ALKBH1: variants seen among roughly 807,000 people sequenced by gnomAD.
The protein encoded by ALKBH1 is nucleic acid dioxygenase ALKBH1.
In ALKBH1, 31 loss-of-function variants were observed where a neutral mutation model predicts 36.6. That is an observed-to-expected ratio of 0.85 (90% confidence interval 0.64 to 1.14). The LOEUF is 1.14. ALKBH1 is among the 50% of genes most tolerant of loss of function. The pLI is 0.00. For missense variants in ALKBH1, 490 were observed against 497.3 expected (o/e 0.99, Z 0.14); for synonymous variants, 183 against 186.6 (o/e 0.98, Z 0.16).
chr14:77,707,809 C>T lies in ALKBH1; in HGVS notation c.183+13G>A. 6.3e-7 allele frequency: 1 copy of T among 1,579,278 alleles called. No individual in the cohort carries two copies. The highest frequency in any genetic ancestry group is 8.6e-7 in the Non-Finnish European group (1 of 1,161,030). ...AAGCGATGGAGAGACGCGCGCCACT[C>T]CTCTCTCTGTACCTTTTGGGCACCA... On this transcript the variant is annotated intron_variant, in intron 1 of 5. Transcript: ENST00000216489.
At chr14:77,685,861 A>G (rs2080265686) in intron 3 of ALKBH1, among the ~76,000 whole-genome samples, 1 of 152,188 alleles carries the variant, frequency 6.6e-6, no homozygotes, top group South Asian at 2.1e-4. Context: ...TCTTACATTG[A>G]AAAGCATTAA....
chr14:77,674,181 G>A lies in ALKBH1; in HGVS notation c.801C>T (p.Ala267=). 6.2e-7 allele frequency: 1 copy of A among 1,613,980 alleles called. No homozygotes were observed. The highest frequency in any genetic ancestry group is 8.5e-7 in the Non-Finnish European group (1 of 1,179,914). The change falls in exon 6 of 6, where the codon GCC becomes GCT. Residue 267 remains alanine, a synonymous_variant. Coordinates refer to ENST00000216489, the MANE Select transcript of ALKBH1 (RefSeq NM_006020.3). ...GGLQRDEAPT[A]MFMHSGDIMI... ...TGATGTCACCACTGTGCATAAACAT[G>A]GCCGTGGGGGCCTCATCCCTTTGAA...
At chr14:77,702,624 A>C (rs566877049) in intron 2 of ALKBH1, among the ~76,000 whole-genome samples, 2 of 152,352 alleles carry the variant, frequency 1.3e-5, no homozygotes, top group East Asian at 3.9e-4. Context: ...GGTTAATAAC[A>C]TTACCTATTC....
chr14:77,696,205 A>G (rs2080326063), intron 2 of ALKBH1, among the ~76,000 whole-genome samples: 1 of 151,746 alleles, frequency 6.6e-6, no homozygotes, highest in Non-Finnish European at 1.5e-5. Context: ...TTTTTTTGAG[A>G]TGGGGGTCTC....
intron 3 of ALKBH1, chr14:77,683,216 CAT>C: frequency 1.4e-6 from 1 of 696,606 alleles, no homozygotes. Flanking sequence ...GCTATGAATC[CAT>C]AGAGAATAGG....
In ALKBH1 at chr14:77,704,428, T is replaced by C. The variant is rs1163382191; in HGVS notation, c.233A>G (p.Tyr78Cys). Residue 78 changes from tyrosine to cysteine, a missense_variant, in exon 2 of 6, where the codon TAT becomes TGT. By Grantham distance (194) the Tyr-to-Cys change is radical. Coordinates refer to ENST00000216489, the MANE Select transcript of ALKBH1 (RefSeq NM_006020.3). ...GCTGACGGGCTGAAGACCTGCTCTA[T>C]ATGCATTCTGCTCACTGACAGAAGA... ...NVSSVSEQNAYRAGLQPVSKW... is the reference protein window; with the variant it reads ...NVSSVSEQNACRAGLQPVSKW... The C allele has an allele frequency of 6.2e-7, 1 of 1,614,212 alleles. No individual in the cohort carries two copies. The highest frequency in any genetic ancestry group is 1.1e-5 in the South Asian group (1 of 91,086).
intron 3 of ALKBH1, among the ~76,000 whole-genome samples, chr14:77,693,222 A>AC (rs1455414571): frequency 3.1e-5 from 4 of 128,096 alleles, no homozygotes; most frequent in Non-Finnish European, 6.9e-5. Context: ...AAAAAAAAAA[A>AC]AATTTTTTTT....
In ALKBH1 at chr14:77,673,936, G is replaced by C. The variant is rs753665392; in HGVS notation, c.1046C>G (p.Thr349Arg). 20 of 1,614,178 alleles carry C rather than the reference G, an allele frequency of 1.2e-5. No homozygotes were observed. The African/African-American group carries it at 1.9e-4, about 15-fold the overall frequency. Residue 349 changes from threonine (T) to arginine (R), a missense_variant, in exon 6 of 6, where the codon ACA becomes AGA. Transcript: ENST00000216489. ...VNMTVRQVLATDQNFPLEPIE... is the reference protein window; with the variant it reads ...VNMTVRQVLARDQNFPLEPIE... ...GGGTTCTAGAGGGAAATTCTGGTCT[G>C]TGGCCAGGACCTGTCGGACAGTCAT...
chr14:77,678,410 CT>C (rs1468162062), intron 4 of ALKBH1, among the ~76,000 whole-genome samples: 1 of 152,076 alleles, frequency 6.6e-6, no homozygotes, highest in Non-Finnish European at 1.5e-5. Context: ...GTTGGGTTGG[CT>C]GAAACTGTGG....
chr14:77,697,379 C>T (rs2299930), intron 2 of ALKBH1: 25,751 of 161,944 alleles, frequency 0.16, 2,148 homozygotes, highest in East Asian at 0.25. Context: ...GGAGCAATGA[C>T]GGGCAATGGA....
chr14:77,696,612 T>C (rs2080328516), intron 2 of ALKBH1: 1 of 152,396 alleles, frequency 6.6e-6, no homozygotes, highest in African/African-American at 2.4e-5. Context: ...AAATTGGACA[T>C]CACATGGCTC....
intron 4 of ALKBH1, among the ~76,000 whole-genome samples, chr14:77,678,052 G>C (rs1363459832): frequency 1.2e-5 from 1 of 82,650 alleles, no homozygotes; most frequent in African/African-American, 4.6e-5. Context: ...TGAGGTCTTG[G>C]GGAATAACAA....
intron 1 of ALKBH1, among the ~76,000 whole-genome samples, chr14:77,704,773 C>T (rs1490343649): frequency 6.6e-6 from 1 of 152,186 alleles, no homozygotes; most frequent in Non-Finnish European, 1.5e-5. Context: ...TTAATCTTAG[C>T]TGTACTGCTT....
chr14:77,674,114 G>A lies in ALKBH1; in HGVS notation c.868C>T (p.Pro290Ser), dbSNP rs2080191803. ...CCTTCTGGATTTGGAAGGACACGAGGGACTGCGTGGTTCAAGAGGCGGCTG... is the reference window on the plus strand; with the variant it reads ...CCTTCTGGATTTGGAAGGACACGAGAGACTGCGTGGTTCAAGAGGCGGCTG... ...GFSRLLNHAV[P>S]RVLPNPEGEG... Residue 290 changes from proline (P) to serine (S), a missense_variant, in exon 6 of 6, where the codon CCT (proline) becomes TCT (serine). Transcript: ENST00000216489. 2.5e-6 allele frequency: 4 copies of A among 1,614,102 alleles called. No homozygotes were observed. The South Asian group carries it at 4.4e-5, about 18-fold the overall frequency.
At chr14:77,702,238 C>T (rs951680068) in intron 2 of ALKBH1, among the ~76,000 whole-genome samples, 2 of 152,096 alleles carry the variant, frequency 1.3e-5, no homozygotes, top group Non-Finnish European at 2.9e-5. Flanking sequence ...GAGGCAGAGG[C>T]TGCAGTGAGC....
intron 4 of ALKBH1, among the ~76,000 whole-genome samples, chr14:77,679,253 TAAAAAA>T (rs527446912): frequency 6.6e-6 from 1 of 151,372 alleles, no homozygotes; most frequent in African/African-American, 2.4e-5. Context: ...CAATAAAAAT[TAAAAAA>T]AAGAAAAAGA....
In ALKBH1 at chr14:77,707,966, A is replaced by T; in HGVS notation, c.39T>A (p.Thr13=). The T allele has an allele frequency of 1.2e-6, 2 of 1,613,242 alleles. No homozygotes were observed. Among genetic ancestry groups the T allele is most frequent in the Non-Finnish European group, 1.7e-6 (2 of 1,179,808 alleles). Reference sequence around the variant, plus strand: ...CGTCCTCCCCGGGCTCAGTCGCCAGAGTCGCCACAGAGCCCACGGCCGCTG... The same window carrying T: ...CGTCCTCCCCGGGCTCAGTCGCCAGTGTCGCCACAGAGCCCACGGCCGCTG... ...KMAAAVGSVA[T]LATEPGEDAF... The change falls in exon 1 of 6, where the codon ACT becomes ACA. Residue 13 remains threonine, a synonymous_variant. Transcript: ENST00000216489.
At chr14:77,678,657 A>T (rs1459939422) in intron 4 of ALKBH1, among the ~76,000 whole-genome samples, 2 of 152,130 alleles carry the variant, frequency 1.3e-5, no homozygotes, top group Non-Finnish European at 2.9e-5. Context: ...CTTGGTGGCA[A>T]ATGTCTAATT....
Position 77,707,806 on chromosome 14 carries a change from A to G in ALKBH1, c.183+16T>C. On this transcript the variant is annotated intron_variant, in intron 1 of 5. Coordinates refer to ENST00000216489, the MANE Select transcript of ALKBH1 (RefSeq NM_006020.3). Reference sequence around the variant, plus strand: ...GCAAAGCGATGGAGAGACGCGCGCCACTCCTCTCTCTGTACCTTTTGGGCA... The same window carrying G: ...GCAAAGCGATGGAGAGACGCGCGCCGCTCCTCTCTCTGTACCTTTTGGGCA... The G allele has an allele frequency of 6.4e-7, 1 of 1,573,338 alleles. No individual in the cohort carries two copies. The highest frequency in any genetic ancestry group is 8.6e-7 in the Non-Finnish European group (1 of 1,158,114).
Sources: gnomAD v4.1 joint callset for allele counts (sites outside exome capture counted in the v4.1 genomes callset) on GRCh38, gnomAD v4.1.1 for gene constraint, MANE v1.5 for transcripts, NCBI Gene and HGNC (gene_info 2026-07-23, HGNC 2026-07-21) for gene names.